CCDC88A: variants seen among roughly 807,000 people sequenced by gnomAD.
The protein encoded by CCDC88A is girdin.
A neutral mutation model predicts 234.3 loss-of-function variants in CCDC88A; 54 were observed. The ratio of observed to expected loss-of-function variants is 0.23; its 90% CI spans 0.19 to 0.29. CCDC88A has a LOEUF of 0.29. Among genes scored for constraint, CCDC88A ranks in the 10% least tolerant of loss-of-function variants. The pLI is 1.00. For synonymous variants in CCDC88A, 753 were observed against 737.8 expected (o/e 1.02, Z -0.33); for missense variants, 1,832 against 2,123.4 (o/e 0.86, Z 2.70).
At position 55,334,096 on chromosome 2, in the gene CCDC88A, C is replaced by A; in HGVS notation, c.2725G>T (p.Glu909Ter). 1 of 1,252,954 alleles carries A rather than the reference C, an allele frequency of 8.0e-7. No individual in the cohort carries two copies. Among genetic ancestry groups the A allele is most frequent in the East Asian group, 2.8e-5 (1 of 35,484 alleles). 77.6% of individuals were successfully genotyped at this position (1,252,954 alleles called of 1,614,324 possible). A position where few individuals can be genotyped will look rare whatever the true frequency, so the allele number is the denominator to read the frequency against. ...TTAATTTAGGTAAACATATTTACCTCACGTAGTGTAACCAACGTTTTTATA... is the reference window on the plus strand; with the variant it reads ...TTAATTTAGGTAAACATATTTACCTAACGTAGTGTAACCAACGTTTTTATA... Reference protein sequence around the residue: ...IDIKTLVTLREDLVSEKLKTQ... With the variant: ...IDIKTLVTLR Residue 909 changes from glutamate to a stop codon, truncating the protein, a stop_gained and splice_region_variant, in exon 15 of 33, where the codon GAG becomes TAG. Transcript: ENST00000436346. LOFTEE classifies it high-confidence loss of function. The surrounding 1 kb of genome is among the most constrained non-coding windows in gnomAD (Gnocchi z 6.1).
At chr2:55,383,133 T>C (rs906321489) in intron 3 of CCDC88A, among the ~76,000 whole-genome samples, 4 of 151,390 alleles carry the variant, frequency 2.6e-5, no homozygotes, top group African/African-American at 7.3e-5. Flanking sequence ...ACTGAAAAGA[T>C]AAATTGAAAT....
At chr2:55,352,943 TA>T (rs1198361303) in intron 8 of CCDC88A, among the ~76,000 whole-genome samples, 1 of 152,110 alleles carries the variant, frequency 6.6e-6, no homozygotes, top group African/African-American at 2.4e-5. Flanking sequence ...TCTGTCCCAA[TA>T]AAAAGAACTA....
chr2:55,414,376 C>A (rs1219873117), intron 2 of CCDC88A, among the ~76,000 whole-genome samples: 1 of 152,170 alleles, frequency 6.6e-6, no homozygotes, highest in Non-Finnish European at 1.5e-5. Context: ...TGTCACCAAG[C>A]CCTACAACTG....
chr2:55,290,540 A>G lies in CCDC88A; in HGVS notation c.*660T>C, dbSNP rs968287294. The G allele has an allele frequency of 6.6e-6, 1 of 152,110 alleles. No individual in the cohort carries two copies. The highest frequency in any genetic ancestry group is 2.4e-5 in the African/African-American group (1 of 41,464). 9.4% of individuals were successfully genotyped at this position (152,110 alleles called of 1,614,324 possible). A position where few individuals can be genotyped will look rare whatever the true frequency, so the allele number is the denominator to read the frequency against. On this transcript the variant is annotated 3_prime_UTR_variant, in exon 33 of 33. Coordinates refer to ENST00000436346, the MANE Select transcript of CCDC88A (RefSeq NM_001365480.1). The stretch of plus-strand genomic sequence containing the variant: ...AATATGGAAAGATTAATATCACTAT[A>G]AATTTTTTATAACTCCTATTTCATT...
chr2:55,350,735 C>T (rs537430260), intron 8 of CCDC88A: 10 of 152,288 alleles, frequency 6.6e-5, no homozygotes, highest in Admixed American at 6.5e-4. Context: ...TCACAGCTCA[C>T]TGCAACCCTG....
Position 55,334,387 on chromosome 2 carries a change from G to C in CCDC88A, c.2434C>G (p.Gln812Glu), listed in dbSNP as rs763582826. ...AATGATTTATTTTCTTTTTCCAGCT[G>C]TTCTAGTCTTTTGCTAGATATTTTT... is the stretch of plus-strand genomic sequence containing the variant. ...ELKISSKRLEQLEKENKSLEQ... is the reference protein window; with the variant it reads ...ELKISSKRLEELEKENKSLEQ... Residue 812 changes from glutamine to glutamate, a missense_variant, in exon 15 of 33, where the codon CAG becomes GAG. Gln to Glu is a conservative substitution (Grantham distance 29, BLOSUM62 2). This residue lies in a region of CCDC88A where 1,282 missense variants were observed against 1,543.6 expected (regional missense o/e 0.83). Coordinates refer to ENST00000436346, the MANE Select transcript of CCDC88A (RefSeq NM_001365480.1). The surrounding 1 kb of genome is among the most constrained non-coding windows in gnomAD (Gnocchi z 6.1). The C allele has an allele frequency of 1.9e-6, 3 of 1,576,196 alleles. No individual in the cohort carries two copies. Among genetic ancestry groups the C allele is most frequent in the Non-Finnish European group, 2.6e-6 (3 of 1,169,840 alleles).
chr2:55,305,130 AAAGCT>A (rs1681392027), intron 25 of CCDC88A, among the ~76,000 whole-genome samples: 2 of 152,242 alleles, frequency 1.3e-5, no homozygotes, highest in African/African-American at 4.8e-5. Context: ...TAGATAAAAC[AAAGCT>A]GAGTGGTTGC....
In CCDC88A at chr2:55,304,926, G is replaced by A. The variant is rs149216802; in HGVS notation, c.4388-1774C>T. Among the ~76,000 whole-genome samples the A allele has an allele frequency of 4.9e-3, 743 of 152,238 alleles. 2 individuals are homozygous for A. Among genetic ancestry groups the A allele is most frequent in the Middle Eastern group, 0.017 (5 of 294 alleles). Reference sequence around the variant, plus strand: ...TCGTGTAAATAATCACAGCTCTTTTGACAAACTAACAAGTATCATTTATTA... The same window carrying A: ...TCGTGTAAATAATCACAGCTCTTTTAACAAACTAACAAGTATCATTTATTA... On this transcript the variant is annotated intron_variant, in intron 25 of 32. Transcript: ENST00000436346.
intron 17 of CCDC88A, among the ~76,000 whole-genome samples, chr2:55,324,700 C>T (rs1369400477): frequency 2.0e-5 from 3 of 151,870 alleles, no homozygotes; most frequent in African/African-American, 7.3e-5. Context: ...GGCTGGAGTG[C>T]AGTGGTGCAA....
At chr2:55,383,021 G>T (rs1399622702) in intron 3 of CCDC88A, among the ~76,000 whole-genome samples, 2 of 149,830 alleles carry the variant, frequency 1.3e-5, no homozygotes, top group African/African-American at 4.9e-5. Flanking sequence ...GGGAAAATGT[G>T]AATGACATTA....
chr2:55,377,194 CTTTT>C (rs11443883), intron 3 of CCDC88A, among the ~76,000 whole-genome samples: 1 of 115,046 alleles, frequency 8.7e-6, no homozygotes, highest in African/African-American at 3.4e-5. Context: ...TCACTATAGA[CTTTT>C]TTTTTTTTTT....
intron 3 of CCDC88A, among the ~76,000 whole-genome samples, chr2:55,375,673 G>A (rs10182704): frequency 0.86 from 129,719 of 150,884 alleles, 56,186 homozygotes; most frequent in Admixed American, 0.93. Context: ...GACTAGAGGC[G>A]CCTACCACGA....
At chr2:55,372,907 A>G (rs1463723286) in intron 4 of CCDC88A, among the ~76,000 whole-genome samples, 1 of 152,230 alleles carries the variant, frequency 6.6e-6, no homozygotes, top group East Asian at 1.9e-4. Flanking sequence ...TCTTAGGCCT[A>G]TTAGTGTTTT....
chr2:55,402,765 T>G (rs1471311047), intron 2 of CCDC88A, among the ~76,000 whole-genome samples: 2 of 149,588 alleles, frequency 1.3e-5, no homozygotes, highest in African/African-American at 2.5e-5. Flanking sequence ...ATCCCAGCAC[T>G]TTGGGAGGCC....
At chr2:55,308,308 A>G (rs1681895290) in intron 25 of CCDC88A, 1 of 153,102 alleles carries the variant, frequency 6.5e-6, no homozygotes, top group Non-Finnish European at 1.5e-5. Context: ...TTTCTAAATC[A>G]TTGAATAACA....
rs774794765 is a variant in CCDC88A at position 55,395,862 on chromosome 2, C to G, written c.165-6976G>C. ...AAATAGTGAAAAACTCAGAATAGCC[C>G]AAGGCAAATGAGAGTTTAAATGGAA... On this transcript the variant is annotated intron_variant, in intron 2 of 32. Transcript: ENST00000436346. Among the ~76,000 whole-genome samples the G allele has an allele frequency of 4.6e-5, 7 of 152,082 alleles. 1 individual carries two copies. Among genetic ancestry groups the G allele is most frequent in the Non-Finnish European group, 8.8e-5 (6 of 68,022 alleles).
At chr2:55,363,303 T>C (rs1558744666) in intron 6 of CCDC88A, among the ~76,000 whole-genome samples, 1 of 151,922 alleles carries the variant, frequency 6.6e-6, no homozygotes, top group Non-Finnish European at 1.5e-5. Flanking sequence ...CTACCAATTT[T>C]CACTATAAAA....
intron 8 of CCDC88A, 162 bp downstream of exon 8, chr2:55,355,417 A>G (rs1046609356): frequency 4.8e-6 from 3 of 622,402 alleles, no homozygotes; most frequent in Non-Finnish European, 8.4e-6. Flanking sequence ...TAAACTGTTA[A>G]GATTTAACAA....
At chr2:55,370,132 T>C (rs971118934) in intron 5 of CCDC88A, among the ~76,000 whole-genome samples, 3 of 152,192 alleles carry the variant, frequency 2.0e-5, no homozygotes, top group Non-Finnish European at 4.4e-5. Flanking sequence ...AGTAAAAGCA[T>C]AATTCTGCTA....
Sources: gnomAD v4.1 joint callset for allele counts (sites outside exome capture counted in the v4.1 genomes callset) on GRCh38, gnomAD v4.1.1 for gene constraint, gnomAD v4.1.1 regional missense constraint, Gnocchi (gnomAD v3.1) non-coding constraint, MANE v1.5 for transcripts, NCBI Gene and HGNC (gene_info 2026-07-23, HGNC 2026-07-21) for gene names.